The following NLRP7 variants were observed in gnomAD, a reference collection of about 807,000 sequenced individuals.
The protein encoded by NLRP7 is NACHT, LRR and PYD domains-containing protein 7.
Under a neutral mutation model 85.5 loss-of-function variants are expected in NLRP7, and 72 were observed. That is an observed-to-expected ratio of 0.84 (90% CI 0.70 to 1.02). The LOEUF is 1.02. Among genes scored for constraint, NLRP7 ranks in the 50% least tolerant of loss-of-function variants. NLRP7 has a pLI of 0.00. For missense variants in NLRP7, 1,243 were observed against 1,219.5 expected (o/e 1.02, Z -0.29); for synonymous variants, 550 against 505.2 (o/e 1.09, Z -1.19).
chr19:54,934,614 G>T lies in NLRP7; in HGVS notation c.2346C>A (p.Phe782Leu), dbSNP rs374046757. 2.0e-5 allele frequency: 32 copies of T among 1,613,914 alleles called. No individual in the cohort carries two copies. The highest frequency in any genetic ancestry group is 2.6e-5 in the Non-Finnish European group (31 of 1,179,972). ...GGGACTGGTTGGCTTTGAGGACATA[G>T]AAGAATTCAGCCCACTGCTCCGGGG... The change falls in exon 7 of 10, where the codon TTC (phenylalanine) becomes TTA (leucine). Residue 782 changes from phenylalanine (F) to leucine (L), a missense_variant. This residue lies in a region of NLRP7 where 613 missense variants were observed against 588.4 expected (regional missense o/e 1.04). Coordinates refer to ENST00000340844, the Ensembl canonical transcript of NLRP7. This position sits in a 1 kb window ranked among gnomAD's most constrained non-coding sequence, Gnocchi z 6.7.
At chr19:54,943,908 T>G (rs767228414) in intron 1 of NLRP7, among the ~76,000 whole-genome samples, 1 of 152,098 alleles carries the variant, frequency 6.6e-6, no homozygotes, top group Non-Finnish European at 1.5e-5. Context: ...GTGTCACACG[T>G]GGGTTTAGGG....
At chr19:54,941,787 C>G (rs1232439535) in intron 1 of NLRP7, 37 bp from the exon 2 acceptor site, 6 of 1,482,486 alleles carry the variant, frequency 4.0e-6, no homozygotes, top group Non-Finnish European at 5.5e-6. Context: ...CACGAGTTAC[C>G]ATCATTAAAT....
At chr19:54,956,161 A>AG (rs2069845795) in intron 1 of NLRP7, among the ~76,000 whole-genome samples, 1 of 151,170 alleles carries the variant, frequency 6.6e-6, no homozygotes, top group South Asian at 2.1e-4. Flanking sequence ...GGAGGGAAGG[A>AG]GGGAAGGGAA....
exon 1 of NLRP7, chr19:54,966,154 AGTCCCAGT>A (rs1452199589): frequency 6.6e-6 from 1 of 151,660 alleles, no homozygotes; most frequent in Non-Finnish European, 1.5e-5. Context: ...GGGTCTGGGC[AGTCCCAGT>A]GTAACCAATC....
chr19:54,923,600 A>T, exon 10 of NLRP7: 1 of 975,408 alleles, frequency 1.0e-6, no homozygotes, highest in Non-Finnish European at 1.6e-6. Context: ...ATCTCCCAAA[A>T]ATAGTGAGAA....
chr19:54,956,819 G>A (rs991738366), intron 1 of NLRP7, among the ~76,000 whole-genome samples: 10 of 151,334 alleles, frequency 6.6e-5, no homozygotes, highest in South Asian at 2.1e-4. Flanking sequence ...TAGTAGAAAC[G>A]GGGTTTCACC....
chr19:54,966,141 C>G (rs1305157602), exon 1 of NLRP7: 1 of 151,582 alleles, frequency 6.6e-6, no homozygotes, highest in Non-Finnish European at 1.5e-5. Context: ...CGAAAGAACT[C>G]CAGGGTCTGG....
At chr19:54,949,536 A>C (rs1238265704), upstream of NLRP7, among the ~76,000 whole-genome samples, 1 of 152,180 alleles carries the variant, frequency 6.6e-6, no homozygotes, top group South Asian at 2.1e-4. Flanking sequence ...ATAAACATGA[A>C]AGAGGTATCT....
chr19:54,926,961 G>C (rs920729559), intron 9 of NLRP7, among the ~76,000 whole-genome samples: 1 of 147,864 alleles, frequency 6.8e-6, no homozygotes, highest in Non-Finnish European at 1.5e-5. Flanking sequence ...GTGGTGGTGT[G>C]TACCTGTAAT....
chr19:54,940,543 A>G lies in NLRP7; in HGVS notation c.353-77T>C, dbSNP rs891198674. On this transcript the variant is annotated intron_variant, in intron 3 of 9. Coordinates refer to ENST00000340844, the Ensembl canonical transcript of NLRP7. Reference sequence around the variant, plus strand: ...ATTATTTTGTCAAGTACCAGAAATGAGGGCCAGGCACGGTGTCTCATGCTT... The same window carrying G: ...ATTATTTTGTCAAGTACCAGAAATGGGGGCCAGGCACGGTGTCTCATGCTT... 4.3e-5 allele frequency: 65 copies of G among 1,518,802 alleles called. No homozygotes were observed. The South Asian group carries it at 5.9e-4, about 14-fold the overall frequency. 94.1% of individuals were successfully genotyped at this position (1,518,802 alleles called of 1,614,324 possible).
At chr19:54,940,132 T>A in exon 4 of NLRP7, 1 of 1,614,198 alleles carries the variant, frequency 6.2e-7, no homozygotes, top group Non-Finnish European at 8.5e-7. Context: ...CAGGCCAGTC[T>A]TTGGAGATCA....
chr19:54,934,698 C>T lies in NLRP7; in HGVS notation c.2301-39G>A, dbSNP rs1314405547. On this transcript the variant is annotated intron_variant, in intron 6 of 9. Transcript: ENST00000340844. This position sits in a 1 kb window ranked among gnomAD's most constrained non-coding sequence, Gnocchi z 6.7. ...GGGAAAAGTCATTCTTCTGGGAGGACAGAGTATACCCTATCAGCTTTTTTT... is the reference window on the plus strand; with the variant it reads ...GGGAAAAGTCATTCTTCTGGGAGGATAGAGTATACCCTATCAGCTTTTTTT... 2 of 1,535,504 alleles carry T rather than the reference C, an allele frequency of 1.3e-6. No individual in the cohort carries two copies. The highest frequency in any genetic ancestry group is 2.4e-5 in the South Asian group (2 of 84,876).
chr19:54,939,842 T>C (rs146193856), exon 4 of NLRP7: 3 of 1,613,976 alleles, frequency 1.9e-6, no homozygotes, highest in Non-Finnish European at 8.5e-7. Flanking sequence ...CCTGTCCTCC[T>C]CCAGGAAGCC....
At chr19:54,947,145 T>C (rs1298333041) in intron 1 of NLRP7, among the ~76,000 whole-genome samples, 7 of 151,974 alleles carry the variant, frequency 4.6e-5, no homozygotes, top group Non-Finnish European at 1.0e-4. Flanking sequence ...GCCAACATGG[T>C]GAGACCCCGT....
At chr19:54,939,812 T>C (rs1458385263) in exon 4 of NLRP7, 2 of 1,613,856 alleles carry the variant, frequency 1.2e-6, no homozygotes, top group Non-Finnish European at 1.7e-6. Context: ...GTCTCCAAAG[T>C]GTCTCAGGAA....
chr19:54,935,701 A>G (rs1313512040), intron 6 of NLRP7, among the ~76,000 whole-genome samples: 1 of 152,036 alleles, frequency 6.6e-6, no homozygotes, highest in Non-Finnish European at 1.5e-5. Context: ...AAAGAAAAAA[A>G]AAAAAAAAAA....
chr19:54,953,964 G>A (rs1015030714), intron 1 of NLRP7, among the ~76,000 whole-genome samples: 4 of 151,758 alleles, frequency 2.6e-5, no homozygotes, highest in East Asian at 3.9e-4. Flanking sequence ...CGGAGATCGC[G>A]CCACTGCACT....
chr19:54,961,473 G>A (rs895023094), intron 1 of NLRP7, among the ~76,000 whole-genome samples: 1 of 151,672 alleles, frequency 6.6e-6, no homozygotes, highest in Non-Finnish European at 1.5e-5. Context: ...ACTCCAGCCT[G>A]GGCAACAACA....
upstream of NLRP7, among the ~76,000 whole-genome samples, chr19:54,952,220 G>A (rs1389622618): frequency 6.6e-6 from 1 of 151,864 alleles, no homozygotes; most frequent in Non-Finnish European, 1.5e-5. Context: ...GGATCAGCAT[G>A]AGAACACTGC....
Sources: allele counts gnomAD v4.1 joint callset (sites outside exome capture counted in the v4.1 genomes callset), GRCh38; gene constraint gnomAD v4.1.1; regional missense constraint gnomAD v4.1.1; non-coding constraint Gnocchi (gnomAD v3.1); transcripts MANE v1.5; gene names NCBI Gene and HGNC (gene_info 2026-07-23, HGNC 2026-07-21).